Variants in RPH3AL observed in about 807,000 individuals in gnomAD.
The protein encoded by RPH3AL is rab effector Noc2.
A neutral mutation model predicts 43.1 loss-of-function variants in RPH3AL; 38 were observed. The observed-to-expected ratio is 0.88, with a 90% CI of 0.68 to 1.15. The LOEUF is 1.15. RPH3AL is among the 50% of genes most tolerant of loss of function. RPH3AL has a pLI of 0.00. For missense variants in RPH3AL, 462 were observed against 423.2 expected, an observed-to-expected ratio of 1.09 and a Z score of -0.81; for synonymous variants, 189 against 176.3, an observed-to-expected ratio of 1.07 and a Z score of -0.57.
In RPH3AL at chr17:246,700, G is replaced by T. The variant is rs917701162; in HGVS notation, c.613+411C>A. Among the ~76,000 whole-genome samples the T allele has an allele frequency of 1.3e-4, 20 of 152,194 alleles. No individual in the cohort carries two copies. Among genetic ancestry groups the T allele is most frequent in the African/African-American group, 4.8e-4 (20 of 41,436 alleles). On this transcript the variant is annotated intron_variant, in intron 7 of 9. Coordinates refer to ENST00000331302, the MANE Select transcript of RPH3AL (RefSeq NM_006987.4). This position sits in a 1 kb window ranked among gnomAD's most constrained non-coding sequence, Gnocchi z 4.8. ...CTTATTAGGACCAGGGAAGCCAGGA[G>T]TCCTCCCTTACCGAGACACAAGGCA...
At chr17:316,577 C>G (rs1296834643) in intron 5 of RPH3AL, among the ~76,000 whole-genome samples, 1 of 149,596 alleles carries the variant, frequency 6.7e-6, no homozygotes, top group East Asian at 2.0e-4. Flanking sequence ...TGCCCCACCT[C>G]CATTGACCTG....
intron 6 of RPH3AL, among the ~76,000 whole-genome samples, chr17:276,320 A>C (rs993709457): frequency 6.6e-5 from 10 of 152,154 alleles, no homozygotes; most frequent in African/African-American, 2.4e-4. Flanking sequence ...ATTTGCTTGT[A>C]CTTTTCTCAA....
intron 1 of RPH3AL, among the ~76,000 whole-genome samples, chr17:335,083 G>T (rs940828666): frequency 6.6e-6 from 1 of 152,226 alleles, no homozygotes; most frequent in Non-Finnish European, 1.5e-5. Context: ...TCCGACCCAC[G>T]GTGAGCGTGG....
chr17:244,420 G>GAGAGAAGGGA (rs2041694971), intron 7 of RPH3AL, among the ~76,000 whole-genome samples: 1 of 151,556 alleles, frequency 6.6e-6, no homozygotes, highest in Admixed American at 6.6e-5. Flanking sequence ...GGGAGAGAGG[G>GAGAGAAGGGA]AGAGAAGGGA....
chr17:272,577 A>G (rs867512702), intron 6 of RPH3AL, among the ~76,000 whole-genome samples: 126 of 116,968 alleles, frequency 1.1e-3, no homozygotes, highest in African/African-American at 3.7e-3. Flanking sequence ...GACACAGGAA[A>G]GGGAACATCA....
intron 6 of RPH3AL, among the ~76,000 whole-genome samples, chr17:249,827 G>A (rs542406489): frequency 1.1e-4 from 16 of 144,048 alleles, no homozygotes; most frequent in Middle Eastern, 4.5e-3. Flanking sequence ...CCATCACTGC[G>A]GGACCTCTCG....
At chr17:263,414 A>G (rs2042246387) in intron 6 of RPH3AL, among the ~76,000 whole-genome samples, 1 of 152,226 alleles carries the variant, frequency 6.6e-6, no homozygotes, top group Non-Finnish European at 1.5e-5. Context: ...AAGTTGGTAC[A>G]TCAAGAAAGG....
Position 281,657 on chromosome 17 carries a change from G to A in RPH3AL, c.438+111C>T, listed in dbSNP as rs767683189. On this transcript the variant is annotated intron_variant, in intron 6 of 9. Transcript: ENST00000331302. ...TGTCCACCCATCCCCATCTGAGAGC[G>A]TATCCAGCCCGCCCAGCCCTCCCCA... 20 of 648,674 alleles carry A rather than the reference G, an allele frequency of 3.1e-5. No individual in the cohort carries two copies. In the Admixed American group the frequency reaches 3.5e-4, roughly 11 times the overall value. The allele number at this position is 648,674 out of a possible 1,614,324, so 40.2% of individuals were successfully genotyped here.
intron 5 of RPH3AL, among the ~76,000 whole-genome samples, chr17:301,734 C>T (rs898440898): frequency 3.3e-5 from 5 of 152,250 alleles, no homozygotes; most frequent in South Asian, 2.1e-4. Flanking sequence ...CCACCGCGCC[C>T]GGCCTGTAGG....
chr17:259,621 G>A (rs1326147713), intron 6 of RPH3AL, among the ~76,000 whole-genome samples: 7 of 152,154 alleles, frequency 4.6e-5, no homozygotes, highest in African/African-American at 1.7e-4. Context: ...AACCCTACTC[G>A]GCTCCCCACG....
intron 5 of RPH3AL, among the ~76,000 whole-genome samples, chr17:293,803 C>T (rs1052848291): frequency 2.0e-5 from 3 of 152,016 alleles, no homozygotes; most frequent in Admixed American, 6.6e-5. Flanking sequence ...CTGAGGTGGG[C>T]GGATCGCCTG....
At chr17:313,089 G>A (rs935283157) in intron 5 of RPH3AL, among the ~76,000 whole-genome samples, 3 of 152,184 alleles carry the variant, frequency 2.0e-5, no homozygotes, top group African/African-American at 7.2e-5. Context: ...GCCCCCTGAA[G>A]TCGAGAGCTC....
chr17:237,026 G>A (rs1342067318), intron 7 of RPH3AL, among the ~76,000 whole-genome samples: 4 of 152,182 alleles, frequency 2.6e-5, no homozygotes, highest in African/African-American at 4.8e-5. Context: ...TGGGTTAGCG[G>A]CCATGAGTCA....
chr17:339,251 G>C (rs911359060), intron 1 of RPH3AL: 13 of 152,394 alleles, frequency 8.5e-5, no homozygotes, highest in Non-Finnish European at 1.9e-4. Flanking sequence ...CAGAGGCTAA[G>C]ACCCCAAATA....
At chr17:302,875 G>T (rs72806050) in intron 5 of RPH3AL, among the ~76,000 whole-genome samples, 2 of 152,182 alleles carry the variant, frequency 1.3e-5, no homozygotes, top group Admixed American at 6.5e-5. Flanking sequence ...ATTTGTGTGA[G>T]TGCGAAGAGA....
intron 5 of RPH3AL, among the ~76,000 whole-genome samples, chr17:316,319 C>T (rs530759883): frequency 3.3e-5 from 5 of 151,326 alleles, no homozygotes; most frequent in African/African-American, 1.2e-4. Flanking sequence ...GACCTGTAGT[C>T]CCTGTGCTCC....
rs1221132694 is a variant in RPH3AL at position 243,605 on chromosome 17, C to G, written c.613+3506G>C. Among the ~76,000 whole-genome samples the G allele has an allele frequency of 1.7e-4, 23 of 134,598 alleles. No homozygotes were observed. The Admixed American group carries it at 1.7e-3, about 10-fold the overall frequency. 88.3% of individuals were successfully genotyped at this position (134,598 alleles called of 152,430 possible). A position where few individuals can be genotyped will look rare whatever the true frequency, so the allele number is the denominator to read the frequency against. ...CCTTCCTCTATTGATTACCCTTCCT[C>G]TATTGATTACCTTCCTCTATTGATT... On this transcript the variant is annotated intron_variant, in intron 7 of 9. Coordinates refer to ENST00000331302, the MANE Select transcript of RPH3AL (RefSeq NM_006987.4).
intron 6 of RPH3AL, among the ~76,000 whole-genome samples, chr17:272,990 C>CAGGAAGAGACCCCAGCG (rs2042529596): frequency 8.3e-6 from 1 of 119,792 alleles, no homozygotes; most frequent in African/African-American, 2.8e-5. Flanking sequence ...AGGGCTACGT[C>CAGGAAGAGACCCCAGCG]AGGGTGAGAC....
chr17:311,357 G>A (rs766858138), intron 5 of RPH3AL, among the ~76,000 whole-genome samples: 13 of 152,140 alleles, frequency 8.5e-5, no homozygotes, highest in Non-Finnish European at 1.6e-4. Flanking sequence ...TGCCCAGCCC[G>A]TTTCCAGCTT....
Sources: allele counts gnomAD v4.1 joint callset (sites outside exome capture counted in the v4.1 genomes callset), GRCh38; gene constraint gnomAD v4.1.1; non-coding constraint Gnocchi (gnomAD v3.1); transcripts MANE v1.5; gene names NCBI Gene and HGNC (gene_info 2026-07-23, HGNC 2026-07-21).